The following ADGRL3 variants were observed in gnomAD, a reference collection of about 807,000 sequenced individuals.
The protein encoded by ADGRL3 is adhesion G protein-coupled receptor L3.
A neutral mutation model predicts 153.5 loss-of-function variants in ADGRL3; 62 were observed. The observed-to-expected ratio is 0.40, with a 90% CI of 0.33 to 0.50. The LOEUF is 0.50. Among genes scored for constraint, ADGRL3 ranks in the 20% least tolerant of loss-of-function variants. The pLI is 0.47. For missense variants in ADGRL3, 1,641 were observed against 1,859.4 expected (o/e 0.88, Z 2.16); for synonymous variants, 710 against 672.5 (o/e 1.06, Z -0.86).
intron 24 of ADGRL3, among the ~76,000 whole-genome samples, chr4:62,040,712 T>C (rs1438862467): frequency 6.6e-6 from 1 of 152,100 alleles, no homozygotes; most frequent in African/African-American, 2.4e-5. Flanking sequence ...ATTCTAGCGT[T>C]GGGAGACAGA....
intron 2 of ADGRL3, among the ~76,000 whole-genome samples, chr4:61,410,276 T>A (rs2097068986): frequency 6.6e-6 from 1 of 152,146 alleles, no homozygotes; most frequent in African/African-American, 2.4e-5. Flanking sequence ...ACCAGAATTA[T>A]ACAAATAATT....
At chr4:61,827,567 A>C (rs903783960) in intron 9 of ADGRL3, among the ~76,000 whole-genome samples, 1 of 152,216 alleles carries the variant, frequency 6.6e-6, no homozygotes, top group African/African-American at 2.4e-5. Context: ...CCAGTGCTTA[A>C]GGTGGATTGA....
chr4:61,929,163 G>C (rs890641355), intron 13 of ADGRL3, among the ~76,000 whole-genome samples: 8 of 152,088 alleles, frequency 5.3e-5, no homozygotes, highest in African/African-American at 1.9e-4. Flanking sequence ...GGGTGATTAG[G>C]CCAAGAGAAC....
intron 2 of ADGRL3, among the ~76,000 whole-genome samples, chr4:61,438,542 A>G (rs1320024675): frequency 1.3e-5 from 2 of 151,800 alleles, no homozygotes; most frequent in Non-Finnish European, 2.9e-5. Flanking sequence ...ACAATCTGCT[A>G]TATATTTAAC....
chr4:61,204,493 T>TCCTAGAAGCATGTGTTC (rs1354139546), intron 1 of ADGRL3, among the ~76,000 whole-genome samples: 1 of 152,226 alleles, frequency 6.6e-6, no homozygotes, highest in African/African-American at 2.4e-5. Context: ...GTTCTTTGTT[T>TCCTAGAAGCATGTGTTC]CCTAGCAGCA....
intron 1 of ADGRL3, among the ~76,000 whole-genome samples, chr4:61,377,071 T>C (rs747715208): frequency 4.7e-4 from 71 of 152,130 alleles, no homozygotes; most frequent in Non-Finnish European, 8.4e-4. Flanking sequence ...CCACAATGGC[T>C]GGGTATATAG....
intron 9 of ADGRL3, among the ~76,000 whole-genome samples, chr4:61,852,833 T>TA (rs1315313641): frequency 6.6e-6 from 1 of 151,610 alleles, no homozygotes; most frequent in East Asian, 1.9e-4. Context: ...TTTATTTATT[T>TA]ATTTATTTAT....
chr4:61,622,779 A>G (rs956195575), intron 5 of ADGRL3, among the ~76,000 whole-genome samples: 1 of 152,160 alleles, frequency 6.6e-6, no homozygotes, highest in Non-Finnish European at 1.5e-5. Context: ...TCAAAATCAC[A>G]TAGCTAGTAA....
At position 61,948,285 on chromosome 4, in the gene ADGRL3, T is replaced by C. The variant is rs1017691554; in HGVS notation, c.2805+9T>C. 3.7e-6 allele frequency: 6 copies of C among 1,605,176 alleles called. No individual in the cohort carries two copies. In the African/African-American group the frequency reaches 6.7e-5, roughly 18 times the overall value. ...CACATGTGGAAGTTAAGGTAAGATATATACCATACAATGAAAATGTTTTAG... is the reference window on the plus strand; with the variant it reads ...CACATGTGGAAGTTAAGGTAAGATACATACCATACAATGAAAATGTTTTAG... On this transcript the variant is annotated intron_variant, in intron 17 of 26. Coordinates refer to ENST00000683033, the MANE Select transcript of ADGRL3 (RefSeq NM_001387552.1).
intron 3 of ADGRL3, among the ~76,000 whole-genome samples, chr4:61,512,707 A>G (rs2098470227): frequency 6.6e-6 from 1 of 152,100 alleles, no homozygotes; most frequent in African/African-American, 2.4e-5. Flanking sequence ...AGAGATAGAG[A>G]ACTGTTTGGT....
chr4:61,275,519 G>T (rs563418204), intron 1 of ADGRL3, among the ~76,000 whole-genome samples: 2 of 152,264 alleles, frequency 1.3e-5, no homozygotes, highest in East Asian at 3.9e-4. Flanking sequence ...AGCACTGGGC[G>T]TCTGGTTTTT....
At chr4:61,867,861 T>G (rs1212197024) in intron 9 of ADGRL3, among the ~76,000 whole-genome samples, 1 of 152,016 alleles carries the variant, frequency 6.6e-6, no homozygotes, top group African/African-American at 2.4e-5. Context: ...TATCACACTT[T>G]TTATAAATAT....
At chr4:61,410,788 C>T (rs1358205366) in intron 2 of ADGRL3, among the ~76,000 whole-genome samples, 1 of 152,188 alleles carries the variant, frequency 6.6e-6, no homozygotes, top group Non-Finnish European at 1.5e-5. Context: ...GAGTCACCTC[C>T]TTGCCCCAAG....
At chr4:61,474,407 C>CA (rs2098016059) in intron 2 of ADGRL3, among the ~76,000 whole-genome samples, 1 of 151,984 alleles carries the variant, frequency 6.6e-6, no homozygotes, top group African/African-American at 2.4e-5. Context: ...GGACAAGCAA[C>CA]AAAAAAGTCT....
chr4:61,374,839 G>A (rs1490685906), intron 1 of ADGRL3, among the ~76,000 whole-genome samples: 1 of 151,788 alleles, frequency 6.6e-6, no homozygotes, highest in South Asian at 2.1e-4. Flanking sequence ...CTTCTCAGAA[G>A]CTTTTTAAAC....
chr4:61,926,328 A>G (rs989196465), intron 13 of ADGRL3, among the ~76,000 whole-genome samples: 1 of 152,136 alleles, frequency 6.6e-6, no homozygotes, highest in Non-Finnish European at 1.5e-5. Context: ...CCACACATAT[A>G]CTTTTATACC....
intron 2 of ADGRL3, among the ~76,000 whole-genome samples, chr4:61,418,142 G>A (rs1341386018): frequency 6.6e-6 from 1 of 152,158 alleles, no homozygotes; most frequent in South Asian, 2.1e-4. Flanking sequence ...AGAAGCAAAA[G>A]GCACATTTCA....
chr4:61,370,218 T>A (rs2096492752), intron 1 of ADGRL3, among the ~76,000 whole-genome samples: 1 of 151,730 alleles, frequency 6.6e-6, no homozygotes, highest in African/African-American at 2.4e-5. Flanking sequence ...GTTTTTTGTG[T>A]CTCTATTTCC....
chr4:61,757,667 T>G (rs1448140124), intron 8 of ADGRL3, among the ~76,000 whole-genome samples: 2 of 152,176 alleles, frequency 1.3e-5, no homozygotes, highest in East Asian at 3.8e-4. Context: ...TACTAGCTTT[T>G]GAATGTGTTT....
Sources: gnomAD v4.1 joint callset for allele counts (sites outside exome capture counted in the v4.1 genomes callset) on GRCh38, gnomAD v4.1.1 for gene constraint, MANE v1.5 for transcripts, NCBI Gene and HGNC (gene_info 2026-07-23, HGNC 2026-07-21) for gene names.